The following SNX3 variants were observed in gnomAD, a reference collection of about 807,000 sequenced individuals.
SNX3 encodes the protein sorting nexin 3.
SNX3 carries 5 observed loss-of-function variants against 17.7 expected under a neutral mutation model. That is an observed-to-expected ratio of 0.28 (90% CI 0.15 to 0.59). SNX3 has a LOEUF of 0.59. SNX3 is among the 20% of genes least tolerant of loss of function. The probability of loss-of-function intolerance (pLI) is 0.88; values close to 1 mark genes in which losing one functional copy is unlikely to be tolerated. For synonymous variants in SNX3, 91 were observed against 76.5 expected, an observed-to-expected ratio of 1.19 and a Z score of -0.99; for missense variants, 132 against 206.8, an observed-to-expected ratio of 0.64 and a Z score of 2.22.
chr6:108,259,260 T>C (rs1331506693), intron 1 of SNX3, among the ~76,000 whole-genome samples: 1 of 152,042 alleles, frequency 6.6e-6, no homozygotes, highest in Non-Finnish European at 1.5e-5. Context: ...AGAGAAGGGA[T>C]TTTGCTCTTG....
intron 1 of SNX3, among the ~76,000 whole-genome samples, chr6:108,255,655 G>A (rs1056434373): frequency 2.6e-5 from 4 of 152,016 alleles, no homozygotes; most frequent in Admixed American, 2.0e-4. Context: ...CCGACCCCCC[G>A]ATTCTTTAAA....
chr6:108,221,614 C>T (rs1449802726), intron 2 of SNX3, among the ~76,000 whole-genome samples: 2 of 129,940 alleles, frequency 1.5e-5, no homozygotes, highest in Non-Finnish European at 3.1e-5. Context: ...GGCAAGACTA[C>T]AGCTCACTGC....
rs189623174 is a variant in SNX3 at position 108,234,138 on chromosome 6, C to A, written c.163-11093G>T. On this transcript the variant is annotated intron_variant, in intron 1 of 3. Coordinates refer to ENST00000230085, the MANE Select transcript of SNX3 (RefSeq NM_003795.6). ...CTCTTCCAAGATTCATTACATGTAG[C>A]ATTTACAGCCGCAATTTATCACACA... Among the ~76,000 whole-genome samples, 7 of 152,030 alleles carry A rather than the reference C, an allele frequency of 4.6e-5. No individual in the cohort carries two copies. In the East Asian group the frequency reaches 1.2e-3, roughly 25 times the overall value.
At chr6:108,218,023 T>C (rs1353807383) in intron 2 of SNX3, among the ~76,000 whole-genome samples, 1 of 152,188 alleles carries the variant, frequency 6.6e-6, no homozygotes, top group Admixed American at 6.5e-5. Flanking sequence ...AACTTTCACA[T>C]GGATTTAACT....
intron 1 of SNX3, among the ~76,000 whole-genome samples, chr6:108,236,376 T>C (rs1410076980): frequency 8.1e-6 from 1 of 124,218 alleles, no homozygotes; most frequent in Non-Finnish European, 1.6e-5. Context: ...ATTATTATTA[T>C]TATTTTTTTT....
At chr6:108,228,864 G>A (rs767617911) in intron 1 of SNX3, among the ~76,000 whole-genome samples, 5 of 151,970 alleles carry the variant, frequency 3.3e-5, no homozygotes, top group Non-Finnish European at 7.4e-5. Flanking sequence ...AAAAAGACCA[G>A]AAACAATAAA....
At chr6:108,236,418 C>T (rs1405474302) in intron 1 of SNX3, among the ~76,000 whole-genome samples, 39 of 140,560 alleles carry the variant, frequency 2.8e-4, no homozygotes, top group Non-Finnish European at 5.1e-4. Flanking sequence ...GAGTCTCGCT[C>T]TGTCGCCCAG....
At chr6:108,232,102 A>C (rs1438099111) in intron 1 of SNX3, among the ~76,000 whole-genome samples, 1 of 152,228 alleles carries the variant, frequency 6.6e-6, no homozygotes, top group Non-Finnish European at 1.5e-5. Flanking sequence ...GGACATTCAA[A>C]GAACTAGAAA....
intron 1 of SNX3, among the ~76,000 whole-genome samples, chr6:108,245,638 G>T (rs775272670): frequency 1.3e-5 from 2 of 152,096 alleles, no homozygotes; most frequent in Admixed American, 1.3e-4. Flanking sequence ...ACTTTTTAAC[G>T]ACTGCCATTC....
rs59920022 is a variant in SNX3, at chr6:108,223,497, C to CTTT, written c.163-455_163-453dup. Among the ~76,000 whole-genome samples, 372 of 110,278 alleles carry CTTT rather than the reference C, an allele frequency of 3.4e-3. 37 individuals are homozygous for CTTT. Among genetic ancestry groups the CTTT allele is most frequent in the Admixed American group, 0.016 (164 of 10,108 alleles). 72.3% of individuals were successfully genotyped at this position (110,278 alleles called of 152,430 possible). On this transcript the variant is annotated intron_variant, in intron 1 of 3. Transcript: ENST00000230085. ...ATAACAAAATAAAACTTTGCTAGTT[C>CTTT]TTTTTTTTTTTTTTTTTTTTTTTTT... is the stretch of plus-strand genomic sequence containing the variant.
intron 2 of SNX3, among the ~76,000 whole-genome samples, chr6:108,219,578 T>G (rs1774692764): frequency 6.6e-6 from 1 of 152,166 alleles, no homozygotes; most frequent in Non-Finnish European, 1.5e-5. Flanking sequence ...GCCACCGCAT[T>G]TCAGCCTGGG....
chr6:108,240,576 A>G (rs1324190330), intron 1 of SNX3, among the ~76,000 whole-genome samples: 1 of 152,274 alleles, frequency 6.6e-6, no homozygotes, highest in Non-Finnish European at 1.5e-5. Context: ...AGCTCTATCA[A>G]TGGTAGTTCT....
In SNX3 at chr6:108,235,845, C is replaced by T. The variant is rs112532288; in HGVS notation, c.163-12800G>A. Among the ~76,000 whole-genome samples the T allele has an allele frequency of 2.1e-3, 324 of 152,238 alleles. 4 individuals carry two copies. The highest frequency in any genetic ancestry group is 7.2e-3 in the African/African-American group (298 of 41,550). Reference sequence around the variant, plus strand: ...CGGAGGTTGCAGTGAGCTGATACCACGCACTGCACTCCAGCCTCGGCGACA... The same window carrying T: ...CGGAGGTTGCAGTGAGCTGATACCATGCACTGCACTCCAGCCTCGGCGACA... On this transcript the variant is annotated intron_variant, in intron 1 of 3. Coordinates refer to ENST00000230085, the MANE Select transcript of SNX3 (RefSeq NM_003795.6).
chr6:108,231,922 AT>A (rs1448445518), intron 1 of SNX3, among the ~76,000 whole-genome samples: 1 of 152,208 alleles, frequency 6.6e-6, no homozygotes, highest in African/African-American at 2.4e-5. Context: ...CAATTTGTTG[AT>A]TTAATAAACA....
At position 108,260,933 on chromosome 6, in the gene SNX3, T is replaced by TGCTGCCGCCGCCGCGG. The variant is rs765982967; in HGVS notation, c.-28_-13dup. The TGCTGCCGCCGCCGCGG allele has an allele frequency of 5.1e-6, 8 of 1,559,042 alleles. No individual in the cohort carries two copies. Among genetic ancestry groups the TGCTGCCGCCGCCGCGG allele is most frequent in the Non-Finnish European group, 5.2e-6 (6 of 1,153,956 alleles). On this transcript the variant is annotated 5_prime_UTR_variant, in exon 1 of 4. Transcript: ENST00000230085. ...ACGGTCTCCGCCATTTCGCTGTAGC[T>TGCTGCCGCCGCCGCGG]GCTGCCGCCGCCGCGGGCTCCCTCC...
At chr6:108,221,357 C>T (rs1478973682) in intron 2 of SNX3, among the ~76,000 whole-genome samples, 3 of 151,644 alleles carry the variant, frequency 2.0e-5, no homozygotes, top group African/African-American at 7.3e-5. Context: ...CCCTCCCCCG[C>T]AATTTACCTA....
intron 1 of SNX3, among the ~76,000 whole-genome samples, chr6:108,242,134 T>C (rs940890163): frequency 6.6e-6 from 1 of 152,054 alleles, no homozygotes; most frequent in Non-Finnish European, 1.5e-5. Flanking sequence ...ATCAAGAAAC[T>C]GTCCATTCTG....
chr6:108,241,143 C>CAAAA lies in SNX3; in HGVS notation c.163-18102_163-18099dup, dbSNP rs71274311. On this transcript the variant is annotated intron_variant, in intron 1 of 3. Transcript: ENST00000230085. ...TGAGCGATAGAGCAAGACTCCGTCT[C>CAAAA]AAAAAAAAAAAAAAAAAAAAAAAAA... Among the ~76,000 whole-genome samples the CAAAA allele has an allele frequency of 5.9e-4, 30 of 51,194 alleles. 2 individuals are homozygous for CAAAA. The highest frequency in any genetic ancestry group is 1.5e-3 in the South Asian group (2 of 1,338). The allele number at this position is 51,194 out of a possible 152,430, so 33.6% of individuals were successfully genotyped here. A position where few individuals can be genotyped will look rare whatever the true frequency, so the allele number is the denominator to read the frequency against.
chr6:108,229,135 CT>C (rs1562426129), intron 1 of SNX3, among the ~76,000 whole-genome samples: 2 of 151,742 alleles, frequency 1.3e-5, no homozygotes, highest in African/African-American at 2.4e-5. Flanking sequence ...TGGCACGAGC[CT>C]GTAATTCCTG....
Sources: gnomAD v4.1 joint callset for allele counts (sites outside exome capture counted in the v4.1 genomes callset) on GRCh38, gnomAD v4.1.1 for gene constraint, MANE v1.5 for transcripts, NCBI Gene and HGNC (gene_info 2026-07-23, HGNC 2026-07-21) for gene names.